NUP88: variants seen among roughly 807,000 people sequenced by gnomAD.
NUP88 encodes nuclear pore complex protein Nup88.
A neutral mutation model predicts 93.9 loss-of-function variants in NUP88; 57 were observed. That is an observed-to-expected ratio of 0.61 (90% CI 0.49 to 0.76). The LOEUF (loss-of-function observed/expected upper bound fraction) is 0.76. NUP88 is among the 30% of genes least tolerant of loss of function. The pLI, the probability that NUP88 is intolerant of heterozygous loss-of-function variation, is 0.00. For missense variants in NUP88, 911 were observed against 901.0 expected (o/e 1.01, Z -0.14); for synonymous variants, 346 against 336.8 (o/e 1.03, Z -0.30).
chr17:5,393,131 T>C (rs772204176), intron 9 of NUP88, among the ~76,000 whole-genome samples: 11 of 151,402 alleles, frequency 7.3e-5, no homozygotes, highest in Non-Finnish European at 1.5e-4. Flanking sequence ...TTTTTTTTTG[T>C]ATTTTAGTAG....
intron 3 of NUP88, among the ~76,000 whole-genome samples, chr17:5,412,319 T>G (rs1913884377): frequency 2.0e-5 from 3 of 152,044 alleles, no homozygotes. Flanking sequence ...GCCAAATGGG[T>G]GGGCAGGGAA....
intron 9 of NUP88, 57 bp from the exon 10 acceptor site, chr17:5,391,719 G>A (rs1385339520): frequency 7.0e-6 from 10 of 1,428,406 alleles, no homozygotes; most frequent in Non-Finnish European, 9.9e-6. Flanking sequence ...GGAACCAAGA[G>A]CAAAGACATG....
At chr17:5,397,202 T>C (rs570377717) in intron 8 of NUP88, among the ~76,000 whole-genome samples, 1 of 152,214 alleles carries the variant, frequency 6.6e-6, no homozygotes, top group East Asian at 1.9e-4. Flanking sequence ...TAGCTGGGCA[T>C]GGTGGCTCAC....
Position 5,388,860 on chromosome 17 carries a change from A to T in NUP88, c.1585T>A (p.Phe529Ile). The change falls in exon 11 of 17, where the codon TTT becomes ATT. Residue 529 changes from phenylalanine to isoleucine, a missense_variant. By Grantham distance (21) the Phe-to-Ile change is conservative. Coordinates refer to ENST00000573584, the MANE Select transcript of NUP88 (RefSeq NM_002532.6). ...AAAATGCTTCTAATATGCTTTTCAA[A>T]GGAATCTGGGGTTTCAGCCAGAACA... ...LRVLAETPDSFEKHIRSILQR... is the reference protein window; with the variant it reads ...LRVLAETPDSIEKHIRSILQR... 1.2e-6 allele frequency: 2 copies of T among 1,614,132 alleles called. No homozygotes were observed. The highest frequency in any genetic ancestry group is 2.2e-5 in the South Asian group (2 of 91,080).
In NUP88 at chr17:5,387,881, G is replaced by A. The variant is rs1360029531; in HGVS notation, c.1667C>T (p.Pro556Leu). Residue 556 changes from proline (P) to leucine (L), a missense_variant, in exon 12 of 17, where the codon CCT (proline) becomes CTT (leucine). By Grantham distance (98) the Pro-to-Leu change is moderately conservative. Coordinates refer to ENST00000573584, the MANE Select transcript of NUP88 (RefSeq NM_002532.6). Reference protein sequence around the residue: ...FLKASEKDIAPPPEECLQLLS... With the variant: ...FLKASEKDIALPPEECLQLLS... ...GAGCTGAAGGCATTCTTCAGGAGGA[G>A]GGGCTATGTCCTTTTCAGAAGCTCT... 1 of 1,613,860 alleles carries A rather than the reference G, an allele frequency of 6.2e-7. No homozygotes were observed. Among genetic ancestry groups the A allele is most frequent in the Non-Finnish European group, 8.5e-7 (1 of 1,179,802 alleles).
rs1226148421 is a variant in NUP88, at chr17:5,408,791, G to GT, written c.798dup (p.Leu267ThrfsTer6). On this transcript the variant is annotated frameshift_variant, in exon 5 of 17. Transcript: ENST00000573584. LOFTEE classifies it high-confidence loss of function. Reference sequence around the variant, plus strand: ...TCTCCATTTTCATATAAGATGTACAGTGGGTATGCCACTACTTCATCTTTG... The same window carrying GT: ...TCTCCATTTTCATATAAGATGTACAGTTGGGTATGCCACTACTTCATCTTTG... 1 of 1,613,726 alleles carries GT rather than the reference G, an allele frequency of 6.2e-7. No homozygotes were observed.
At chr17:5,389,137 AT>A (rs750814505) in intron 10 of NUP88, among the ~76,000 whole-genome samples, 177 bp from the exon 11 acceptor site, 52 of 152,338 alleles carry the variant, frequency 3.4e-4, no homozygotes, top group Non-Finnish European at 6.3e-4. Flanking sequence ...CTACACCCTT[AT>A]TATTCCAATG....
Position 5,410,790 on chromosome 17 carries a change from C to A in NUP88, c.594-1G>T, listed in dbSNP as rs895445166. On this transcript the variant is annotated splice_acceptor_variant, in intron 3 of 16. Coordinates refer to ENST00000573584, the MANE Select transcript of NUP88 (RefSeq NM_002532.6). LOFTEE classifies it high-confidence loss of function. ...CTGCGGCTCACGTAGTGAGTAAATT[C>A]TAGCAACCAAAAGAGAAGAAAACCA... The A allele has an allele frequency of 1.3e-5, 20 of 1,592,204 alleles. No individual in the cohort carries two copies. Among genetic ancestry groups the A allele is most frequent in the Non-Finnish European group, 1.7e-5 (20 of 1,168,166 alleles).
At chr17:5,397,159 G>A (rs1912825837) in intron 8 of NUP88, among the ~76,000 whole-genome samples, 1 of 152,032 alleles carries the variant, frequency 6.6e-6, no homozygotes, top group Admixed American at 6.6e-5. Flanking sequence ...GGGCAACACG[G>A]TAAAACCCCA....
rs1912134224 is a variant in NUP88 at position 5,387,874 on chromosome 17, A to G, written c.1674T>C (p.Pro558=). The part of the protein sequence containing the change: ...KASEKDIAPP[P]EECLQLLSRA... The stretch of plus-strand genomic sequence containing the variant: ...TGCTGAGGAGCTGAAGGCATTCTTC[A>G]GGAGGAGGGGCTATGTCCTTTTCAG... The change falls in exon 12 of 17, where the codon CCT becomes CCC. Residue 558 remains proline, a synonymous_variant. Transcript: ENST00000573584. 5 of 1,613,912 alleles carry G rather than the reference A, an allele frequency of 3.1e-6. No individual in the cohort carries two copies. The highest frequency in any genetic ancestry group is 4.2e-6 in the Non-Finnish European group (5 of 1,179,792).
chr17:5,409,719 C>T (rs1470542562), intron 4 of NUP88, among the ~76,000 whole-genome samples: 1 of 152,112 alleles, frequency 6.6e-6, no homozygotes, highest in East Asian at 1.9e-4. Flanking sequence ...AAAGATGGAA[C>T]ATAAACTCAG....
At chr17:5,410,869 T>G in intron 3 of NUP88, 80 bp from the exon 4 acceptor site, 1 of 870,786 alleles carries the variant, frequency 1.1e-6, no homozygotes, top group Non-Finnish European at 1.9e-6. Context: ...CTCCATCTAG[T>G]CAGTTCTTGA....
chr17:5,403,712 T>A (rs138654072), intron 7 of NUP88, among the ~76,000 whole-genome samples: 185 of 152,222 alleles, frequency 1.2e-3, no homozygotes, highest in African/African-American at 4.0e-3. Flanking sequence ...TGGACACAGG[T>A]TGATTCAGCA....
chr17:5,394,346 T>C (rs896380518), intron 9 of NUP88, among the ~76,000 whole-genome samples: 1 of 152,072 alleles, frequency 6.6e-6, no homozygotes, highest in Non-Finnish European at 1.5e-5. Flanking sequence ...AAGGAGAACC[T>C]GGAGGGACAG....
intron 9 of NUP88, among the ~76,000 whole-genome samples, chr17:5,392,711 C>T (rs1387898074): frequency 1.3e-5 from 2 of 152,162 alleles, no homozygotes; most frequent in Admixed American, 1.3e-4. Context: ...CTTTGCTTTG[C>T]TTTATAGTTT....
At position 5,387,076 on chromosome 17, in the gene NUP88, G is replaced by A. The variant is rs1912044546; in HGVS notation, c.1951C>T (p.Leu651Phe). The A allele has an allele frequency of 1.2e-6, 2 of 1,613,926 alleles. No individual in the cohort carries two copies. The highest frequency in any genetic ancestry group is 8.5e-7 in the Non-Finnish European group (1 of 1,179,914). ...KKLLHSFHSE[L>F]PVLSDSERDM... ...CGCTCACTATCAGAGAGAACTGGGA[G>A]CTCAGAGTGAAAACTGTGAAGTAGT... is the stretch of plus-strand genomic sequence containing the variant. Residue 651 changes from leucine to phenylalanine, a missense_variant, in exon 15 of 17, where the codon CTC becomes TTC. Transcript: ENST00000573584.
intron 11 of NUP88, chr17:5,388,464 AT>A (rs1386065163): frequency 6.0e-6 from 1 of 167,240 alleles, no homozygotes; most frequent in Non-Finnish European, 1.3e-5. Context: ...TTTTTTTTGT[AT>A]TTTTAGTAGA....
intron 4 of NUP88, among the ~76,000 whole-genome samples, chr17:5,409,705 A>G (rs1272047803): frequency 6.6e-6 from 1 of 152,246 alleles, no homozygotes; most frequent in African/African-American, 2.4e-5. Context: ...AAAAGAGAAG[A>G]AATAAAGATG....
In NUP88 at chr17:5,394,946, TAG is replaced by T; in HGVS notation, c.1325_1326del (p.Ser442TyrfsTer8). ...TGTTCAACAAAGCATTTCTGTTCTG[TAG>T]AGAGTTCCTGTAAACTATCCTTATC... is the stretch of plus-strand genomic sequence containing the variant. ...EEDKDSLQEL[S>X]TEQKCFVEHI... On this transcript the variant is annotated frameshift_variant, in exon 9 of 17. Coordinates refer to ENST00000573584, the MANE Select transcript of NUP88 (RefSeq NM_002532.6). LOFTEE classifies it high-confidence loss of function. 1.2e-6 allele frequency: 2 copies of T among 1,613,436 alleles called. No individual in the cohort carries two copies. Among genetic ancestry groups the T allele is most frequent in the Non-Finnish European group, 1.7e-6 (2 of 1,179,298 alleles).
Sources: allele counts gnomAD v4.1 joint callset (sites outside exome capture counted in the v4.1 genomes callset), GRCh38; gene constraint gnomAD v4.1.1; transcripts MANE v1.5; gene names NCBI Gene and HGNC (gene_info 2026-07-23, HGNC 2026-07-21).